Variants in WDR81 observed in about 807,000 individuals in gnomAD.
The protein encoded by WDR81 is WD repeat domain 81, also known as WD repeat-containing protein 81.
A neutral mutation model predicts 140.8 loss-of-function variants in WDR81; 92 were observed. The observed-to-expected ratio is 0.65, with a 90% CI of 0.55 to 0.78. The LOEUF is 0.78. Among genes scored for constraint, WDR81 ranks in the 30% least tolerant of loss-of-function variants. WDR81 has a pLI of 0.00. For missense variants in WDR81, 2,502 were observed against 2,636.4 expected (o/e 0.95, Z 1.12); for synonymous variants, 1,183 against 1,156.4 (o/e 1.02, Z -0.47).
At chr17:1,736,858 C>G (rs181269492) in intron 9 of WDR81, among the ~76,000 whole-genome samples, 110 of 152,328 alleles carry the variant, frequency 7.2e-4, no homozygotes, top group Non-Finnish European at 3.1e-4. Context: ...TTGCATTGCC[C>G]TGCTGACAGC....
upstream of WDR81, among the ~76,000 whole-genome samples, chr17:1,723,457 T>TTTTATTTATTTATTTTTA (rs1914997586): frequency 7.7e-6 from 1 of 130,538 alleles, no homozygotes; most frequent in Non-Finnish European, 1.6e-5. Flanking sequence ...ATTTATTTAT[T>TTTTATTTATTTATTTTTA]TTTATTTATT....
chr17:1,733,674 G>A lies in WDR81; in HGVS notation c.4637G>A (p.Gly1546Asp). 6.2e-7 allele frequency: 1 copy of A among 1,610,756 alleles called. No homozygotes were observed. The highest frequency in any genetic ancestry group is 8.5e-7 in the Non-Finnish European group (1 of 1,178,702). The change falls in exon 7 of 10, where the codon GGT (glycine) becomes GAT (aspartate). Residue 1546 changes from glycine to aspartate, a missense_variant. By Grantham distance (94) the Gly-to-Asp change is moderately conservative. This residue lies in a region of WDR81 where 1,737 missense variants were observed against 1,843.0 expected (regional missense o/e 0.94). Transcript: ENST00000409644. ...PGTGPEWDPH[G>D]GGCPQDDGHS... ...ACCGGGCCCGAGTGGGACCCCCATG[G>A]TGGGGGCTGCCCTCAGGATGACGGC...
chr17:1,737,307 G>A (rs1339048119), intron 9 of WDR81, 58 bp from the exon 10 acceptor site: 6 of 1,507,146 alleles, frequency 4.0e-6, no homozygotes, highest in East Asian at 2.3e-5. Flanking sequence ...AGGCCTTGGG[G>A]CCCAAGGGTA....
Position 1,732,494 on chromosome 17 carries a change from G to A in WDR81, c.4323+4G>A. The A allele has an allele frequency of 6.2e-7, 1 of 1,612,522 alleles. No homozygotes were observed. The highest frequency in any genetic ancestry group is 1.1e-5 in the South Asian group (1 of 91,036). On this transcript the variant is annotated splice_donor_region_variant and intron_variant, in intron 5 of 9. Coordinates refer to ENST00000409644, the MANE Select transcript of WDR81 (RefSeq NM_001163809.2). ...GCTGCATGAGCTTCGGCAACAGGTGGGCAGATCTGCTGGGCCAGGGCGGGC... is the reference window on the plus strand; with the variant it reads ...GCTGCATGAGCTTCGGCAACAGGTGAGCAGATCTGCTGGGCCAGGGCGGGC...
exon 1 of WDR81, chr17:1,716,610 C>A: frequency 6.4e-7 from 1 of 1,551,538 alleles, no homozygotes; most frequent in East Asian, 2.4e-5. Flanking sequence ...CTGACACCGT[C>A]GTTCCCAGAA....
Position 1,726,304 on chromosome 17 carries a change from A to G in WDR81, c.1345A>G (p.Thr449Ala). The G allele has an allele frequency of 6.5e-7, 1 of 1,543,460 alleles. No individual in the cohort carries two copies. Among genetic ancestry groups the G allele is most frequent in the Non-Finnish European group, 8.8e-7 (1 of 1,142,208 alleles). The part of the protein sequence containing the change: ...HHISDVLSDI[T>A]YYVYKARRTP... Reference sequence around the variant, plus strand: ...CATCTCAGACGTGCTCTCCGACATCACGTACTATGTGTACAAGGCTCGGCG... The same window carrying G: ...CATCTCAGACGTGCTCTCCGACATCGCGTACTATGTGTACAAGGCTCGGCG... The change falls in exon 1 of 10, where the codon ACG becomes GCG. Residue 449 changes from threonine to alanine, a missense_variant. Thr to Ala is a moderately conservative substitution (Grantham distance 58). Coordinates refer to ENST00000409644, the MANE Select transcript of WDR81 (RefSeq NM_001163809.2).
Position 1,726,828 on chromosome 17 carries a change from G to A in WDR81, c.1869G>A (p.Thr623=), listed in dbSNP as rs920424685. The change falls in exon 1 of 10, where the codon ACG becomes ACA. Residue 623 remains threonine, a synonymous_variant. Transcript: ENST00000409644. ...AGACCACAGGCCGGGAGGACTTCAC[G>A]GAAAACCCGGGACAGCTTCCAAATG... ...IQETTGREDF[T]ENPGQLPNGV... 5.1e-5 allele frequency: 79 copies of A among 1,549,852 alleles called. No individual in the cohort carries two copies. The highest frequency in any genetic ancestry group is 6.7e-5 in the Non-Finnish European group (77 of 1,146,884).
chr17:1,723,670 A>G (rs1288882145), upstream of WDR81, among the ~76,000 whole-genome samples: 2 of 151,772 alleles, frequency 1.3e-5, no homozygotes, highest in East Asian at 3.9e-4. Context: ...TGTTTTTAGT[A>G]GAGACGGGGT....
rs997249536 is a variant in WDR81, at chr17:1,725,952, G to T, written c.993G>T (p.Glu331Asp). ...RDEAGIVSQEEQGGQPGQPTG... is the reference protein window; with the variant it reads ...RDEAGIVSQEDQGGQPGQPTG... ...AGGCGGGCATTGTGTCTCAAGAGGA[G>T]CAGGGAGGGCAACCTGGGCAACCCA... The change falls in exon 1 of 10, where the codon GAG (glutamate) becomes GAT (aspartate). Residue 331 changes from glutamate to aspartate, a missense_variant. Glu to Asp is a conservative substitution (Grantham distance 45, BLOSUM62 2). This residue lies in a region of WDR81 where 547 missense variants were observed against 513.8 expected (regional missense o/e 1.06). Coordinates refer to ENST00000409644, the MANE Select transcript of WDR81 (RefSeq NM_001163809.2). The T allele has an allele frequency of 1.5e-5, 23 of 1,550,694 alleles. No individual in the cohort carries two copies. The highest frequency in any genetic ancestry group is 2.0e-5 in the Non-Finnish European group (23 of 1,146,922).
chr17:1,724,028 T>A (rs1290951076), upstream of WDR81, among the ~76,000 whole-genome samples: 1 of 152,122 alleles, frequency 6.6e-6, no homozygotes, highest in African/African-American at 2.4e-5. Flanking sequence ...AGCTCCTTCC[T>A]ATGGAAGGTG....
chr17:1,736,316 C>G, intron 9 of WDR81, 98 bp downstream of exon 9: 2 of 1,402,570 alleles, frequency 1.4e-6, no homozygotes, highest in South Asian at 2.7e-5. Flanking sequence ...CAGGCTCGAA[C>G]TGGTCTGTCT....
chr17:1,717,441 T>A (rs1107862), intron 1 of WDR81, among the ~76,000 whole-genome samples: 107,933 of 151,656 alleles, frequency 0.71, 38,502 homozygotes, highest in East Asian at 0.9. Context: ...TAAGCAGGAA[T>A]GATGAGGCTG....
chr17:1,716,556 G>T (rs1294899251), exon 1 of WDR81: 1 of 1,551,032 alleles, frequency 6.4e-7, no homozygotes, highest in Non-Finnish European at 8.7e-7. Context: ...CGAAAGCCAC[G>T]GCGTCTGCGT....
In WDR81 at chr17:1,734,031, G is replaced by A; in HGVS notation, c.4994G>A (p.Ser1665Asn). ...APLSSEDFFL[S>N]GSKDRTVRLW... is the part of the protein sequence containing the mutation. The stretch of plus-strand genomic sequence containing the variant: ...CTAAGCAGCGAGGACTTCTTCCTGA[G>A]CGGCAGCAAGGATCGTACCGTGCGC... Residue 1665 changes from serine (S) to asparagine (N), a missense_variant, in exon 7 of 10, where the codon AGC (serine) becomes AAC (asparagine). This residue lies in a region of WDR81 where 1,737 missense variants were observed against 1,843.0 expected (regional missense o/e 0.94). Transcript: ENST00000409644. 1 of 1,611,416 alleles carries A rather than the reference G, an allele frequency of 6.2e-7. No individual in the cohort carries two copies. Among genetic ancestry groups the A allele is most frequent in the Non-Finnish European group, 8.5e-7 (1 of 1,179,950 alleles).
chr17:1,728,261 A>AGGCTGT lies in WDR81; in HGVS notation c.3304_3309dup (p.Ala1102_Val1103dup). 6.2e-7 allele frequency: 1 copy of AGGCTGT among 1,612,268 alleles called. No homozygotes were observed. Among genetic ancestry groups the AGGCTGT allele is most frequent in the Non-Finnish European group, 8.5e-7 (1 of 1,179,626 alleles). On this transcript the variant is annotated inframe_insertion, in exon 1 of 10. Transcript: ENST00000409644. The stretch of plus-strand genomic sequence containing the variant: ...GAGTCTCCCCAGCCCCAGGAGGCTG[A>AGGCTGT]GGCTGTGAGCCTGGGCCGGCTGAGT...
rs760132439 is a variant in WDR81 at position 1,728,295 on chromosome 17, C to T, written c.3336C>T (p.Ser1112=). 1 of 1,612,808 alleles carries T rather than the reference C, an allele frequency of 6.2e-7. No homozygotes were observed. The highest frequency in any genetic ancestry group is 8.5e-7 in the Non-Finnish European group (1 of 1,180,002). The change falls in exon 1 of 10, where the codon AGC becomes AGT. Residue 1112 remains serine, a synonymous_variant. Transcript: ENST00000409644. ...GCCTGGGCCGGCTGAGTGACAAGAG[C>T]AGCACCAGCGAGACCTCCCTGGGTG... is the stretch of plus-strand genomic sequence containing the variant. ...AVSLGRLSDK[S]STSETSLGEE...
intron 4 of WDR81, among the ~76,000 whole-genome samples, chr17:1,731,543 G>A (rs890583089): frequency 1.4e-4 from 21 of 152,200 alleles, no homozygotes; most frequent in African/African-American, 4.3e-4. Context: ...AGGCTGAGGC[G>A]GGAAGATTGC....
chr17:1,729,595 TGG>T (rs1915539794), intron 1 of WDR81, among the ~76,000 whole-genome samples: 2 of 151,446 alleles, frequency 1.3e-5, no homozygotes. Flanking sequence ...TAGACAAAAA[TGG>T]GCAAAAAGAA....
rs1288861735 is a variant in WDR81, at chr17:1,738,120, C to G, written c.*435C>G. The G allele has an allele frequency of 3.0e-5, 6 of 198,534 alleles. No homozygotes were observed. Among genetic ancestry groups the G allele is most frequent in the African/African-American group, 1.4e-4 (6 of 42,970 alleles). The allele number at this position is 198,534 out of a possible 1,614,324, so 12.3% of individuals were successfully genotyped here. On this transcript the variant is annotated 3_prime_UTR_variant, in exon 10 of 10. Transcript: ENST00000409644. ...TCTAGGACAGGGAAGCTGGCCTGGTCCAGGGCACTGATGGTGCTTGGATTC... is the reference window on the plus strand; with the variant it reads ...TCTAGGACAGGGAAGCTGGCCTGGTGCAGGGCACTGATGGTGCTTGGATTC...
Sources: gnomAD v4.1 joint callset for allele counts (sites outside exome capture counted in the v4.1 genomes callset) on GRCh38, gnomAD v4.1.1 for gene constraint, gnomAD v4.1.1 regional missense constraint, MANE v1.5 for transcripts, NCBI Gene and HGNC (gene_info 2026-07-23, HGNC 2026-07-21) for gene names.